SLC37A3: variants seen among roughly 807,000 people sequenced by gnomAD.
SLC37A3 encodes solute carrier family 37 member 3, also known as sugar phosphate exchanger 3.
SLC37A3 carries 51 observed loss-of-function variants against 67.1 expected under a neutral mutation model. The observed-to-expected ratio is 0.76, with a 90% CI of 0.61 to 0.96. SLC37A3 has a LOEUF of 0.96. Ranked by LOEUF, SLC37A3 falls within the 40% of genes least tolerant of loss-of-function variation. The pLI is 0.00. For synonymous variants in SLC37A3, 214 were observed against 231.4 expected (o/e 0.92, Z 0.68); for missense variants, 508 against 603.0 (o/e 0.84, Z 1.65).
chr7:140,394,979 T>C (rs753565863), intron 1 of SLC37A3, among the ~76,000 whole-genome samples: 28 of 151,942 alleles, frequency 1.8e-4, no homozygotes, highest in Non-Finnish European at 3.5e-4. Flanking sequence ...CAGATCTAAT[T>C]CTAGATCCTA....
At chr7:140,342,825 T>C (rs34760416) in intron 13 of SLC37A3, among the ~76,000 whole-genome samples, 26,422 of 152,164 alleles carry the variant, frequency 0.17, 2,353 homozygotes, top group East Asian at 0.3. Flanking sequence ...GTCTGTAGTA[T>C]GCTTGGTGTT....
intron 4 of SLC37A3, among the ~76,000 whole-genome samples, chr7:140,366,234 T>C (rs546858279): frequency 2.7e-4 from 41 of 152,112 alleles, no homozygotes; most frequent in Non-Finnish European, 5.0e-4. Flanking sequence ...GATAAGTCAA[T>C]TTATTAGAAA....
At chr7:140,348,585 GACTA>G in intron 10 of SLC37A3, 37 bp downstream of exon 10, 1 of 1,573,342 alleles carries the variant, frequency 6.4e-7, no homozygotes, top group Non-Finnish European at 8.6e-7. Context: ...GATCACTAGT[GACTA>G]ACTCTTTATT....
chr7:140,364,323 TA>T, intron 5 of SLC37A3, 84 bp downstream of exon 5: 1 of 1,222,556 alleles, frequency 8.2e-7, no homozygotes, highest in Non-Finnish European at 1.2e-6. Flanking sequence ...TTAATCTTAC[TA>T]TTCTATTCTA....
intron 5 of SLC37A3, among the ~76,000 whole-genome samples, chr7:140,361,210 C>T (rs56378993): frequency 3.2e-5 from 2 of 62,104 alleles, no homozygotes; most frequent in Admixed American, 1.7e-4. Context: ...GGGCCAGGTG[C>T]GGTGGCTCAC....
At position 140,337,294 on chromosome 7, in the gene SLC37A3, A is replaced by G. The variant is rs1378010040; in HGVS notation, c.1382T>C (p.Phe461Ser). Residue 461 changes from phenylalanine to serine, a missense_variant, in exon 14 of 15, where the codon TTC (phenylalanine) becomes TCC (serine). By Grantham distance (155) the Phe-to-Ser change is radical. Transcript: ENST00000326232. ...KLGWMWVFYF[F>S]ILMTSCTIVF... ...GGGGCACACACTTACCATGAGAATG[A>G]AAAAGTAGAAAACCCACATCCATCC... is the stretch of plus-strand genomic sequence containing the variant. 6.2e-7 allele frequency: 1 copy of G among 1,600,040 alleles called. No individual in the cohort carries two copies. The highest frequency in any genetic ancestry group is 8.5e-7 in the Non-Finnish European group (1 of 1,174,288).
chr7:140,375,223 C>T (rs1392636009), intron 3 of SLC37A3, among the ~76,000 whole-genome samples: 1 of 148,366 alleles, frequency 6.7e-6, no homozygotes, highest in African/African-American at 2.5e-5. Flanking sequence ...AATCCTAGCA[C>T]CTTGGAAGGC....
rs2117080506 is a variant in SLC37A3 at position 140,351,814 on chromosome 7, T to C, written c.703+248A>G. ...CTTGCCAGTGTCTCAATTATAAAAA[T>C]AATTTGCAAATGCGAAGATTTTCCT... is the stretch of plus-strand genomic sequence containing the variant. On this transcript the variant is annotated intron_variant, in intron 8 of 14. Transcript: ENST00000326232. 4 of 602,348 alleles carry C rather than the reference T, an allele frequency of 6.6e-6. No homozygotes were observed. The South Asian group carries it at 7.5e-5, about 11-fold the overall frequency. 37.3% of individuals were successfully genotyped at this position (602,348 alleles called of 1,614,324 possible).
At chr7:140,361,799 G>T (rs1343370843) in intron 5 of SLC37A3, among the ~76,000 whole-genome samples, 2 of 144,034 alleles carry the variant, frequency 1.4e-5, no homozygotes, top group East Asian at 4.2e-4. Context: ...TGATCCGCCA[G>T]CCTCGGCCTC....
intron 3 of SLC37A3, among the ~76,000 whole-genome samples, chr7:140,375,086 A>G (rs1168125684): frequency 3.3e-5 from 5 of 151,528 alleles, no homozygotes; most frequent in African/African-American, 1.2e-4. Context: ...CCCAGGAGGC[A>G]GAAGTTGCAA....
At chr7:140,369,735 T>TGGGAAACAGAAAGCC in intron 3 of SLC37A3, 53 bp from the exon 4 acceptor site, 1 of 1,478,538 alleles carries the variant, frequency 6.8e-7, no homozygotes, top group Non-Finnish European at 9.4e-7. Context: ...GCCAGGGCTT[T>TGGGAAACAGAAAGCC]CTGTTTCCCA....
intron 1 of SLC37A3, among the ~76,000 whole-genome samples, 171 bp downstream of exon 1, chr7:140,398,245 G>A (rs963487739): frequency 2.6e-5 from 4 of 152,068 alleles, no homozygotes; most frequent in South Asian, 2.1e-4. Context: ...CCCCAGGCCC[G>A]GGCCCAGGGA....
At chr7:140,337,055 C>T (rs540929016) in intron 14 of SLC37A3, among the ~76,000 whole-genome samples, 3 of 144,840 alleles carry the variant, frequency 2.1e-5, no homozygotes, top group East Asian at 2.0e-4. Context: ...GCCAAGATCA[C>T]GCCACCACAC....
intron 9 of SLC37A3, among the ~76,000 whole-genome samples, chr7:140,350,470 T>C (rs1374481751): frequency 1.3e-5 from 2 of 151,996 alleles, no homozygotes; most frequent in Admixed American, 6.6e-5. Context: ...TCTGGACCCT[T>C]TAAAAGGGGG....
intron 11 of SLC37A3, among the ~76,000 whole-genome samples, chr7:140,345,656 A>C (rs775620823): frequency 6.6e-5 from 10 of 152,180 alleles, no homozygotes; most frequent in Non-Finnish European, 1.0e-4. Flanking sequence ...GCAAATTAAC[A>C]AAGCAAAAGA....
Position 140,351,323 on chromosome 7 carries a change from C to A in SLC37A3, c.832G>T (p.Val278Phe). Reference sequence around the variant, plus strand: ...GCCTGGTAGAAGCTTATCGCCTTGACTTGGGCAACAGAACTATCATCTTGG... The same window carrying A: ...GCCTGGTAGAAGCTTATCGCCTTGAATTGGGCAACAGAACTATCATCTTGG... ...SIQDDSSVAQ[V>F]KAISFYQACC... Residue 278 changes from valine to phenylalanine, a missense_variant, in exon 9 of 15, where the codon GTC (valine) becomes TTC (phenylalanine). Physicochemically the swap from Val to Phe is conservative, Grantham distance 50. Coordinates refer to ENST00000326232, the MANE Select transcript of SLC37A3 (RefSeq NM_207113.3). 1 of 1,614,156 alleles carries A rather than the reference C, an allele frequency of 6.2e-7. No homozygotes were observed. Among genetic ancestry groups the A allele is most frequent in the Non-Finnish European group, 8.5e-7 (1 of 1,180,016 alleles).
At chr7:140,396,818 G>C (rs1798944102) in intron 1 of SLC37A3, among the ~76,000 whole-genome samples, 1 of 151,012 alleles carries the variant, frequency 6.6e-6, no homozygotes, top group Middle Eastern at 3.2e-3. Context: ...TCATTCAAGA[G>C]ACAAGCCAGG....
chr7:140,390,428 G>A (rs1017386325), intron 1 of SLC37A3, among the ~76,000 whole-genome samples: 1 of 152,036 alleles, frequency 6.6e-6, no homozygotes, highest in Non-Finnish European at 1.5e-5. Context: ...CTTTCAAGAG[G>A]TGCAATCTTC....
chr7:140,356,693 C>T (rs1797043053), intron 6 of SLC37A3, among the ~76,000 whole-genome samples: 1 of 151,838 alleles, frequency 6.6e-6, no homozygotes, highest in Non-Finnish European at 1.5e-5. Flanking sequence ...AAAAGCAAAA[C>T]AAAGCAAAAA....
Sources: allele counts gnomAD v4.1 joint callset (sites outside exome capture counted in the v4.1 genomes callset), GRCh38; gene constraint gnomAD v4.1.1; transcripts MANE v1.5; gene names NCBI Gene and HGNC (gene_info 2026-07-23, HGNC 2026-07-21).